The following PDE3B variants were observed in gnomAD, a reference collection of about 807,000 sequenced individuals.
PDE3B encodes the protein cGMP-inhibited 3',5'-cyclic phosphodiesterase 3B.
PDE3B carries 66 observed loss-of-function variants against 116.8 expected under a neutral mutation model. The ratio of observed to expected loss-of-function variants is 0.56; its 90% CI spans 0.46 to 0.69. The LOEUF is 0.69. Ranked by LOEUF, PDE3B falls within the 30% of genes least tolerant of loss-of-function variation. PDE3B has a pLI of 0.00. For synonymous variants in PDE3B, 595 were observed against 533.6 expected (o/e 1.12, Z -1.59); for missense variants, 1,384 against 1,368.1 (o/e 1.01, Z -0.18).
intron 1 of PDE3B, among the ~76,000 whole-genome samples, chr11:14,652,424 A>G (rs985449890): frequency 6.6e-6 from 1 of 152,088 alleles, no homozygotes; most frequent in African/African-American, 2.4e-5. Flanking sequence ...TGAGACCTCA[A>G]ACTTTGTTCT....
intron 2 of PDE3B, among the ~76,000 whole-genome samples, chr11:14,779,983 A>T (rs1482387357): frequency 6.6e-6 from 1 of 151,284 alleles, no homozygotes; most frequent in Admixed American, 6.6e-5. Context: ...TCTACCAAGC[A>T]AATGGAAAAA....
At chr11:14,777,826 C>T (rs1857834649) in intron 2 of PDE3B, among the ~76,000 whole-genome samples, 2 of 152,134 alleles carry the variant, frequency 1.3e-5, no homozygotes, top group African/African-American at 4.8e-5. Context: ...AGGTGCAACC[C>T]ATGGACTGTG....
At chr11:14,747,399 A>G (rs1450343402) in intron 1 of PDE3B, among the ~76,000 whole-genome samples, 4 of 152,138 alleles carry the variant, frequency 2.6e-5, no homozygotes, top group Non-Finnish European at 5.9e-5. Context: ...ACACAACATA[A>G]CACAAATATC....
intron 2 of PDE3B, among the ~76,000 whole-genome samples, chr11:14,777,519 T>TA (rs1214692855): frequency 6.6e-6 from 1 of 152,102 alleles, no homozygotes; most frequent in Non-Finnish European, 1.5e-5. Flanking sequence ...AAACAACACA[T>TA]AACCTATAGG....
chr11:14,884,945 T>C, the PDE3B span, among the ~76,000 whole-genome samples: 6 of 152,282 alleles, frequency 3.9e-5, no homozygotes, highest in South Asian at 1.2e-3. Context: ...TGCTTTCAAG[T>C]ATCATTATAC....
At chr11:14,896,677 A>C in the PDE3B span, among the ~76,000 whole-genome samples, 1 of 152,330 alleles carries the variant, frequency 6.6e-6, no homozygotes, top group South Asian at 2.1e-4. Context: ...GATCGTGTTC[A>C]TGGAAGATGT....
At chr11:14,650,477 T>C (rs930008263) in intron 1 of PDE3B, among the ~76,000 whole-genome samples, 16 of 152,278 alleles carry the variant, frequency 1.1e-4, no homozygotes, top group African/African-American at 3.6e-4. Flanking sequence ...ATGTCCACAT[T>C]TGAGAATATG....
At chr11:14,669,508 C>T (rs1421998806) in intron 1 of PDE3B, among the ~76,000 whole-genome samples, 2 of 151,030 alleles carry the variant, frequency 1.3e-5, no homozygotes, top group African/African-American at 4.9e-5. Flanking sequence ...TACAAGTGCA[C>T]AACGTGCAGG....
intron 12 of PDE3B, among the ~76,000 whole-genome samples, chr11:14,845,716 A>T (rs761081861): frequency 2.0e-5 from 3 of 152,246 alleles, no homozygotes; most frequent in Non-Finnish European, 4.4e-5. Flanking sequence ...AGCCGATGTG[A>T]TCAACCGGAA....
At chr11:14,850,527 A>G (rs1023416507) in intron 12 of PDE3B, among the ~76,000 whole-genome samples, 10 of 152,142 alleles carry the variant, frequency 6.6e-5, no homozygotes, top group Non-Finnish European at 1.0e-4. Flanking sequence ...TGCTCCTCCT[A>G]TTTAGGCCCA....
At chr11:14,708,179 G>A (rs1855586595) in intron 1 of PDE3B, among the ~76,000 whole-genome samples, 1 of 151,980 alleles carries the variant, frequency 6.6e-6, no homozygotes, top group Admixed American at 6.6e-5. Context: ...TCCTGGAGGA[G>A]CTTGTTGTTA....
intron 1 of PDE3B, among the ~76,000 whole-genome samples, chr11:14,703,654 ATT>A (rs1007027799): frequency 1.3e-5 from 2 of 151,666 alleles, no homozygotes; most frequent in African/African-American, 4.8e-5. Flanking sequence ...GTAACACTAG[ATT>A]TATGAAAAAA....
intron 2 of PDE3B, among the ~76,000 whole-genome samples, chr11:14,776,814 G>A (rs1490350814): frequency 1.3e-5 from 2 of 151,948 alleles, no homozygotes; most frequent in East Asian, 3.9e-4. Flanking sequence ...ATTTCTGTAG[G>A]ACCCAGAGTC....
intron 7 of PDE3B, among the ~76,000 whole-genome samples, chr11:14,830,454 C>T (rs565208524): frequency 4.9e-4 from 74 of 152,010 alleles, no homozygotes; most frequent in Non-Finnish European, 9.3e-4. Flanking sequence ...AGAATATCCA[C>T]TTAGCATCCA....
intron 1 of PDE3B, among the ~76,000 whole-genome samples, chr11:14,760,394 T>C (rs1007611004): frequency 6.6e-6 from 1 of 152,214 alleles, no homozygotes; most frequent in African/African-American, 2.4e-5. Context: ...TGCTAGATGC[T>C]ATAATCAAAG....
chr11:14,782,970 C>T (rs544528051), intron 2 of PDE3B, among the ~76,000 whole-genome samples: 1 of 152,334 alleles, frequency 6.6e-6, no homozygotes, highest in Admixed American at 6.5e-5. Context: ...ACAGACACTT[C>T]TCGAAAGAAG....
At chr11:14,862,804 C>T (rs1292094331) in intron 14 of PDE3B, among the ~76,000 whole-genome samples, 1 of 152,128 alleles carries the variant, frequency 6.6e-6, no homozygotes, top group Non-Finnish European at 1.5e-5. Flanking sequence ...GAACTCCTGA[C>T]CTTGTGATCC....
intron 5 of PDE3B, among the ~76,000 whole-genome samples, chr11:14,806,723 G>A (rs1858939044): frequency 6.6e-6 from 1 of 150,500 alleles, no homozygotes; most frequent in African/African-American, 2.4e-5. Context: ...GCCGGGCGTA[G>A]TGGCGGGCGC....
chr11:14,800,553 G>T (rs1413343547), intron 4 of PDE3B, among the ~76,000 whole-genome samples: 1 of 152,192 alleles, frequency 6.6e-6, no homozygotes, highest in Non-Finnish European at 1.5e-5. Context: ...TTCCCTTTGT[G>T]AGTAACCTGA....
Sources: allele counts gnomAD v4.1 joint callset (sites outside exome capture counted in the v4.1 genomes callset), GRCh38; gene constraint gnomAD v4.1.1; transcripts MANE v1.5; gene names NCBI Gene and HGNC (gene_info 2026-07-23, HGNC 2026-07-21).